LBH: variants seen among roughly 807,000 people sequenced by gnomAD.
LBH encodes LBH regulator of Wnt signaling pathway.
Under a neutral mutation model 12.5 loss-of-function variants are expected in LBH, and 7 were observed. The ratio of observed to expected loss-of-function variants is 0.56; its 90% confidence interval spans 0.32 to 1.05. LBH has a LOEUF of 1.05. Ranked by LOEUF, LBH falls within the 50% of genes least tolerant of loss-of-function variation. The pLI, the probability that LBH is intolerant of heterozygous loss-of-function variation, is 0.04. For missense variants in LBH, 119 were observed against 138.9 expected (o/e 0.86, Z 0.72); for synonymous variants, 51 against 50.1 (o/e 1.02, Z -0.08).
At chr2:30,253,962 C>G (rs778132409) in intron 2 of LBH, among the ~76,000 whole-genome samples, 1 of 152,158 alleles carries the variant, frequency 6.6e-6, no homozygotes, top group Admixed American at 6.5e-5. Context: ...ATCAAGTGAA[C>G]GCTTCATTTG....
At chr2:30,232,147 T>G in intron 1 of LBH, 1 of 1,534,840 alleles carries the variant, frequency 6.5e-7, no homozygotes. Context: ...CCCCTCCTCT[T>G]TTTCTTTTTG....
At chr2:30,247,911 G>T (rs1162688991) in intron 2 of LBH, among the ~76,000 whole-genome samples, 3 of 152,196 alleles carry the variant, frequency 2.0e-5, no homozygotes, top group Non-Finnish European at 4.4e-5. Context: ...TTCCACTGTT[G>T]CTTTCTATAC....
chr2:30,233,257 T>C (rs1677624473), intron 1 of LBH: 1 of 152,256 alleles, frequency 6.6e-6, no homozygotes, highest in African/African-American at 2.4e-5. Flanking sequence ...AACTGTGAGG[T>C]ATGCACTATT....
chr2:30,232,308 C>T, intron 1 of LBH: 6 of 1,429,632 alleles, frequency 4.2e-6, no homozygotes, highest in Non-Finnish European at 4.7e-6. Flanking sequence ...GCACGCGCTG[C>T]AGCCTCTCAA....
intron 1 of LBH, among the ~76,000 whole-genome samples, chr2:30,233,401 T>C (rs903928741): frequency 6.6e-6 from 1 of 152,254 alleles, no homozygotes; most frequent in Non-Finnish European, 1.5e-5. Context: ...TCATTTCTTA[T>C]CTATGTAGTA....
intron 1 of LBH, chr2:30,232,528 T>G: frequency 3.9e-6 from 1 of 259,338 alleles, no homozygotes; most frequent in Non-Finnish European, 7.3e-6. Context: ...AGTTTCTTCC[T>G]TCCTGCTCTG....
intron 2 of LBH, among the ~76,000 whole-genome samples, chr2:30,245,269 G>A (rs888021644): frequency 3.3e-5 from 5 of 152,176 alleles, no homozygotes; most frequent in African/African-American, 9.7e-5. Flanking sequence ...CATGGTTGCC[G>A]TCAAATTCTT....
intron 2 of LBH, among the ~76,000 whole-genome samples, chr2:30,243,308 A>T (rs1318540994): frequency 1.3e-5 from 2 of 152,274 alleles, no homozygotes; most frequent in African/African-American, 4.8e-5. Flanking sequence ...GTCAGCGATT[A>T]CTCAGCTTTT....
intron 2 of LBH, among the ~76,000 whole-genome samples, chr2:30,255,598 C>T (rs991288274): frequency 9.9e-5 from 15 of 152,190 alleles, no homozygotes; most frequent in African/African-American, 3.4e-4. Context: ...ATTGGGAAGG[C>T]TTCACTGAGG....
At chr2:30,244,630 C>T (rs111893016) in intron 2 of LBH, among the ~76,000 whole-genome samples, 3,178 of 152,004 alleles carry the variant, frequency 0.021, 118 homozygotes, top group African/African-American at 0.071. Context: ...AGGCTGGACG[C>T]GTGGCTCACA....
chr2:30,238,885 CTTTTTTT>C (rs367954684), intron 2 of LBH, among the ~76,000 whole-genome samples: 1 of 98,036 alleles, frequency 1.0e-5, no homozygotes, highest in Admixed American at 1.2e-4. Flanking sequence ...CCTCCCCACT[CTTTTTTT>C]TTTTTTTTTT....
Position 30,259,483 on chromosome 2 carries a change from C to G in LBH, c.*1862C>G, listed in dbSNP as rs1403334142. The G allele has an allele frequency of 6.5e-6, 1 of 153,130 alleles. No homozygotes were observed. The highest frequency in any genetic ancestry group is 1.5e-5 in the Non-Finnish European group (1 of 68,228). The allele number at this position is 153,130 out of a possible 1,614,324, so 9.5% of individuals were successfully genotyped here. ...CTGCAGAGAGTGGTTCATCCATACTCTCATTCCCTCGCCTCCCCTTGTGGA... is the reference window on the plus strand; with the variant it reads ...CTGCAGAGAGTGGTTCATCCATACTGTCATTCCCTCGCCTCCCCTTGTGGA... On this transcript the variant is annotated 3_prime_UTR_variant, in exon 3 of 3. Transcript: ENST00000395323.
intron 2 of LBH, among the ~76,000 whole-genome samples, chr2:30,250,846 C>T (rs1057221419): frequency 3.3e-5 from 5 of 151,994 alleles, no homozygotes; most frequent in African/African-American, 7.3e-5. Context: ...GTCAAACAAA[C>T]GCCCTGGGAT....
At chr2:30,237,273 T>C (rs1677704851) in intron 2 of LBH, among the ~76,000 whole-genome samples, 1 of 152,252 alleles carries the variant, frequency 6.6e-6, no homozygotes, top group African/African-American at 2.4e-5. Context: ...GGCTTGTGAT[T>C]TGACCTTGAA....
rs374357594 is a variant in LBH, at chr2:30,257,481, C to T, written c.178C>T (p.Arg60Cys). 3.8e-5 allele frequency: 61 copies of T among 1,614,066 alleles called. 1 individual carries two copies. Among genetic ancestry groups the T allele is most frequent in the Admixed American group, 1.8e-4 (11 of 60,008 alleles). ...DFDRCCKLKD[R>C]LPSIVVEPTE... Reference sequence around the variant, plus strand: ...TGACCGCTGCTGCAAACTGAAGGACCGTCTGCCCTCCATAGTGGTGGAACC... The same window carrying T: ...TGACCGCTGCTGCAAACTGAAGGACTGTCTGCCCTCCATAGTGGTGGAACC... The change falls in exon 3 of 3, where the codon CGT becomes TGT. Residue 60 changes from arginine (R) to cysteine (C), a missense_variant. By Grantham distance (180) the Arg-to-Cys change is radical (BLOSUM62 -3). Transcript: ENST00000395323.
Position 30,231,621 on chromosome 2 carries a change from C to G in LBH, c.-118C>G. 1.0e-6 allele frequency: 1 copy of G among 982,848 alleles called. No individual in the cohort carries two copies. The highest frequency in any genetic ancestry group is 1.6e-6 in the Non-Finnish European group (1 of 629,500). 60.9% of individuals were successfully genotyped at this position (982,848 alleles called of 1,614,324 possible). On this transcript the variant is annotated 5_prime_UTR_variant, in exon 1 of 3. Transcript: ENST00000395323. ...CTGTCCTGGGAAGGCGGACGGCGAG[C>G]GCCCGGTGTCCGCACTCGGCCGCCT...
Position 30,237,957 on chromosome 2 carries a change from C to G in LBH, c.129+3450C>G, listed in dbSNP as rs945002777. Among the ~76,000 whole-genome samples, 13 of 152,274 alleles carry G rather than the reference C, an allele frequency of 8.5e-5. No individual in the cohort carries two copies. The East Asian group carries it at 2.1e-3, about 25-fold the overall frequency. ...AGGGTCTCCAGCAGGATGTTGATGT[C>G]CCTGATGGCAGCAGCTCCCTCCCCA... is the stretch of plus-strand genomic sequence containing the variant. On this transcript the variant is annotated intron_variant, in intron 2 of 2. Transcript: ENST00000395323.
At chr2:30,237,513 A>G (rs1415126651) in intron 2 of LBH, among the ~76,000 whole-genome samples, 1 of 151,942 alleles carries the variant, frequency 6.6e-6, no homozygotes, top group East Asian at 1.9e-4. Flanking sequence ...TCATCTTTGT[A>G]CCCTGCCCCC....
Position 30,248,325 on chromosome 2 carries a change from G to GAAAGTGGAGTA in LBH, c.130-9105_130-9095dup, listed in dbSNP as rs369068412. 2.3e-3 allele frequency among the ~76,000 whole-genome samples: 354 copies of GAAAGTGGAGTA among 152,312 alleles called. 1 individual carries two copies. Among genetic ancestry groups the GAAAGTGGAGTA allele is most frequent in the African/African-American group, 8.2e-3 (342 of 41,560 alleles). Reference sequence around the variant, plus strand: ...ACTGTAGAATGGGTAGAGACGGAATGAAAGTGGAGTAAAGGCCGTGGGGCA... The same window carrying GAAAGTGGAGTA: ...ACTGTAGAATGGGTAGAGACGGAATGAAAGTGGAGTAAAAGTGGAGTAAAGGCCGTGGGGCA... On this transcript the variant is annotated intron_variant, in intron 2 of 2. Transcript: ENST00000395323.
Sources: allele counts gnomAD v4.1 joint callset (sites outside exome capture counted in the v4.1 genomes callset), GRCh38; gene constraint gnomAD v4.1.1; transcripts MANE v1.5; gene names NCBI Gene and HGNC (gene_info 2026-07-23, HGNC 2026-07-21).